Variants in EDAR observed in about 807,000 individuals in gnomAD.
EDAR encodes the protein ectodysplasin A receptor, also known as tumor necrosis factor receptor superfamily member EDAR.
EDAR carries 38 observed loss-of-function variants against 51.3 expected under a neutral mutation model. That is an observed-to-expected ratio of 0.74 (90% confidence interval 0.57 to 0.97). EDAR has a LOEUF of 0.97. EDAR is among the 50% of genes least tolerant of loss of function. The pLI is 0.00. For synonymous variants in EDAR, 227 were observed against 242.1 expected (o/e 0.94, Z 0.58); for missense variants, 528 against 595.0 (o/e 0.89, Z 1.17).
intron 1 of EDAR, among the ~76,000 whole-genome samples, chr2:108,987,831 G>A (rs935350938): frequency 1.3e-5 from 2 of 152,164 alleles, no homozygotes; most frequent in African/African-American, 2.4e-5. Context: ...TCTTTTTGGT[G>A]GCCTCTGTCA....
At chr2:108,923,320 A>T in intron 5 of EDAR, 48 bp downstream of exon 5, 2 of 1,569,348 alleles carry the variant, frequency 1.3e-6, no homozygotes, top group African/African-American at 2.7e-5. Flanking sequence ...AGTGAAAGGG[A>T]TCCGTGCTGA....
intron 1 of EDAR, among the ~76,000 whole-genome samples, chr2:108,953,529 G>T (rs1574401916): frequency 6.6e-6 from 1 of 152,228 alleles, no homozygotes; most frequent in East Asian, 1.9e-4. Context: ...AAGGCTCACG[G>T]TCCTGTGCTG....
chr2:108,936,784 G>A (rs1328929811), intron 1 of EDAR, among the ~76,000 whole-genome samples: 1 of 152,224 alleles, frequency 6.6e-6, no homozygotes, highest in Admixed American at 6.5e-5. Context: ...GGAGAGGGAT[G>A]CATTCTCTTT....
chr2:108,965,848 C>G (rs1447248885), intron 1 of EDAR, among the ~76,000 whole-genome samples: 1 of 152,026 alleles, frequency 6.6e-6, no homozygotes, highest in Non-Finnish European at 1.5e-5. Flanking sequence ...GCATCATGTA[C>G]TCTCCCTCCA....
chr2:108,908,602 G>A (rs1022357367), intron 9 of EDAR, among the ~76,000 whole-genome samples: 1 of 152,128 alleles, frequency 6.6e-6, no homozygotes, highest in Non-Finnish European at 1.5e-5. Context: ...TGGGTGGGCG[G>A]TCGGACCCAC....
At chr2:108,937,708 T>G (rs1365885817) in intron 1 of EDAR, among the ~76,000 whole-genome samples, 1 of 149,416 alleles carries the variant, frequency 6.7e-6, no homozygotes, top group African/African-American at 2.6e-5. Flanking sequence ...TGTGAGTGTA[T>G]GTGTGTGTAT....
At chr2:108,960,749 C>T (rs154998) in intron 1 of EDAR, among the ~76,000 whole-genome samples, 43,553 of 152,016 alleles carry the variant, frequency 0.29, 11,823 homozygotes, top group East Asian at 0.94. Flanking sequence ...TTTCCTTTTA[C>T]TATGTATAGA....
intron 5 of EDAR, among the ~76,000 whole-genome samples, chr2:108,916,326 C>T (rs147789756): frequency 6.4e-4 from 97 of 152,272 alleles, no homozygotes; most frequent in South Asian, 3.9e-3. Context: ...GGCTCGCAGG[C>T]TGCTTCAGGT....
chr2:108,959,554 G>T (rs1441838131), intron 1 of EDAR, among the ~76,000 whole-genome samples: 1 of 152,042 alleles, frequency 6.6e-6, no homozygotes, highest in Non-Finnish European at 1.5e-5. Flanking sequence ...GGTTTCCAAG[G>T]GACCTGGTTC....
intron 9 of EDAR, among the ~76,000 whole-genome samples, chr2:108,908,591 C>A (rs1229957418): frequency 6.6e-6 from 1 of 152,094 alleles, no homozygotes; most frequent in Non-Finnish European, 1.5e-5. Flanking sequence ...AGCGGGTGAG[C>A]TGGGTGGGCG....
intron 1 of EDAR, among the ~76,000 whole-genome samples, chr2:108,986,468 G>A (rs982140126): frequency 2.0e-5 from 3 of 152,152 alleles, no homozygotes; most frequent in African/African-American, 4.8e-5. Context: ...AAATGTGTCA[G>A]TGTTGGAGGC....
chr2:108,906,241 C>A, intron 11 of EDAR, 67 bp downstream of exon 11: 1 of 1,571,352 alleles, frequency 6.4e-7, no homozygotes, highest in Non-Finnish European at 8.8e-7. Flanking sequence ...AGCCTCAGGG[C>A]TCCGGGCCCA....
chr2:108,986,648 T>C (rs1178324252), intron 1 of EDAR, among the ~76,000 whole-genome samples: 2 of 152,180 alleles, frequency 1.3e-5, no homozygotes, highest in Non-Finnish European at 2.9e-5. Flanking sequence ...AATTTCCTTA[T>C]TGGGAAAATA....
At position 108,895,188 on chromosome 2, in the gene EDAR, CATT is replaced by C. The variant is rs1228060830; in HGVS notation, c.*1716_*1718del. 6.6e-6 allele frequency: 1 copy of C among 152,620 alleles called. No individual in the cohort carries two copies. Among genetic ancestry groups the C allele is most frequent in the African/African-American group, 2.4e-5 (1 of 41,436 alleles). The allele number at this position is 152,620 out of a possible 1,614,324, so 9.5% of individuals were successfully genotyped here. On this transcript the variant is annotated 3_prime_UTR_variant, in exon 12 of 12. Transcript: ENST00000258443. ...TGATGATATTAAATATTCAGGACCT[CATT>C]ATGATCCTCTCACAGTATGTACTAC...
chr2:108,927,811 C>T (rs1217058641), intron 4 of EDAR, among the ~76,000 whole-genome samples: 1 of 152,184 alleles, frequency 6.6e-6, no homozygotes, highest in Non-Finnish European at 1.5e-5. Context: ...CACCTCCCCA[C>T]CAAGCACCCT....
chr2:108,967,850 G>A (rs1172044531), intron 1 of EDAR, among the ~76,000 whole-genome samples: 1 of 152,128 alleles, frequency 6.6e-6, no homozygotes, highest in East Asian at 1.9e-4. Flanking sequence ...AGGTAACAAT[G>A]TTATTGAGAG....
At chr2:108,916,176 CAA>C (rs1447727378) in intron 5 of EDAR, among the ~76,000 whole-genome samples, 3 of 152,264 alleles carry the variant, frequency 2.0e-5, no homozygotes, top group Non-Finnish European at 2.9e-5. Context: ...TAAGAGCAAA[CAA>C]GAGATTGAAA....
intron 11 of EDAR, 150 bp from the exon 12 acceptor site, chr2:108,897,379 T>G: frequency 3.9e-6 from 3 of 772,094 alleles, no homozygotes; most frequent in Non-Finnish European, 6.3e-6. Flanking sequence ...AACAAATGCA[T>G]AACTTAAGGC....
chr2:108,915,629 G>A (rs976429206), intron 5 of EDAR, among the ~76,000 whole-genome samples: 2 of 152,212 alleles, frequency 1.3e-5, no homozygotes, highest in African/African-American at 4.8e-5. Context: ...CCCAGGCACG[G>A]TGGCTCATGC....
Sources: allele counts gnomAD v4.1 joint callset (sites outside exome capture counted in the v4.1 genomes callset), GRCh38; gene constraint gnomAD v4.1.1; transcripts MANE v1.5; gene names NCBI Gene and HGNC (gene_info 2026-07-23, HGNC 2026-07-21).